EFR3B: variants seen among roughly 807,000 people sequenced by gnomAD.
EFR3B encodes the protein EFR3 homolog B.
In EFR3B, 64 loss-of-function variants were observed where a neutral mutation model predicts 104.7. That is an observed-to-expected ratio of 0.61 (90% CI 0.50 to 0.75). The LOEUF is 0.75. EFR3B is among the 30% of genes least tolerant of loss of function. The pLI, the probability that EFR3B is intolerant of heterozygous loss-of-function variation, is 0.00. For synonymous variants in EFR3B, 385 were observed against 417.9 expected (o/e 0.92, Z 0.96); for missense variants, 750 against 1,078.5 (o/e 0.70, Z 4.27).
chr2:25,053,232 C>T (rs1047810808), intron 1 of EFR3B, among the ~76,000 whole-genome samples: 1 of 152,254 alleles, frequency 6.6e-6, no homozygotes, highest in Non-Finnish European at 1.5e-5. Flanking sequence ...TCACTTCTCT[C>T]ACTTCTCACT....
intron 1 of EFR3B, among the ~76,000 whole-genome samples, chr2:25,065,346 A>ATTTTTTT (rs749717958): frequency 2.1e-5 from 2 of 93,360 alleles, no homozygotes; most frequent in Non-Finnish European, 4.1e-5. Flanking sequence ...ACACCCAGCT[A>ATTTTTTT]TTTTTTTTTT....
At chr2:25,100,824 T>C (rs1002695435) in intron 3 of EFR3B, among the ~76,000 whole-genome samples, 47 of 152,288 alleles carry the variant, frequency 3.1e-4, no homozygotes, top group African/African-American at 1.1e-3. Context: ...AGGAGGTACT[T>C]TTCTATTCCA....
At chr2:25,102,674 A>G (rs953251556) in intron 3 of EFR3B, among the ~76,000 whole-genome samples, 2 of 152,060 alleles carry the variant, frequency 1.3e-5, no homozygotes, top group South Asian at 4.2e-4. Flanking sequence ...TCGGGTGGGG[A>G]CGCGGAGCCA....
At position 25,061,817 on chromosome 2, in the gene EFR3B, A is replaced by C. The variant is rs555145601; in HGVS notation, c.7+19498A>C. Among the ~76,000 whole-genome samples, 3 of 151,572 alleles carry C rather than the reference A, an allele frequency of 2.0e-5. No individual in the cohort carries two copies. In the East Asian group the frequency reaches 5.8e-4, roughly 29 times the overall value. ...GGCCTACTTGTTAAAAAAAAAAAACAAAAAACTAATGCCACACCAGGGAGC... is the reference window on the plus strand; with the variant it reads ...GGCCTACTTGTTAAAAAAAAAAAACCAAAAACTAATGCCACACCAGGGAGC... On this transcript the variant is annotated intron_variant, in intron 1 of 22. Coordinates refer to ENST00000403714, the MANE Select transcript of EFR3B (RefSeq NM_014971.2).
At chr2:25,125,716 A>C (rs1670144859) in intron 5 of EFR3B, among the ~76,000 whole-genome samples, 1 of 152,184 alleles carries the variant, frequency 6.6e-6, no homozygotes, top group South Asian at 2.1e-4. Context: ...TGGGAGGCCA[A>C]GGCGGGAGGA....
intron 1 of EFR3B, among the ~76,000 whole-genome samples, chr2:25,074,303 C>T (rs376932315): frequency 2.2e-4 from 34 of 152,140 alleles, no homozygotes; most frequent in African/African-American, 6.5e-4. Context: ...CAGTGGCTCA[C>T]GCCTGTAATC....
At chr2:25,046,034 C>T (rs950155938) in intron 1 of EFR3B, among the ~76,000 whole-genome samples, 12 of 152,162 alleles carry the variant, frequency 7.9e-5, no homozygotes, top group Non-Finnish European at 1.3e-4. Context: ...AAATGCCTCT[C>T]GTCCCGCTTA....
intron 1 of EFR3B, among the ~76,000 whole-genome samples, chr2:25,044,289 G>T (rs932737676): frequency 6.6e-6 from 1 of 152,184 alleles, no homozygotes; most frequent in African/African-American, 2.4e-5. Flanking sequence ...ATCTTAGGAG[G>T]TGTGGGAGGG....
intron 4 of EFR3B, among the ~76,000 whole-genome samples, chr2:25,108,431 A>T (rs1669625939): frequency 6.6e-6 from 1 of 152,228 alleles, no homozygotes; most frequent in African/African-American, 2.4e-5. Flanking sequence ...CTACATAAAC[A>T]ATCTAATATA....
intron 4 of EFR3B, among the ~76,000 whole-genome samples, chr2:25,111,061 A>G (rs1669712480): frequency 6.6e-6 from 1 of 152,110 alleles, no homozygotes; most frequent in Non-Finnish European, 1.5e-5. Context: ...TTTCCTGCAA[A>G]CTGGAATTAG....
intron 4 of EFR3B, among the ~76,000 whole-genome samples, chr2:25,116,621 CA>C (rs891788252): frequency 1.4e-5 from 2 of 146,846 alleles, no homozygotes; most frequent in Admixed American, 6.8e-5. Context: ...GAGACTGTCT[CA>C]AAAAAAAAAT....
Position 25,135,608 on chromosome 2 carries a change from C to T in EFR3B, c.1453C>T (p.His485Tyr). Residue 485 changes from histidine to tyrosine, a missense_variant, in exon 13 of 23, where the codon CAT becomes TAT. Coordinates refer to ENST00000403714, the MANE Select transcript of EFR3B (RefSeq NM_014971.2). ...GATTCTCATCAGTTTCATTGATCGT[C>T]ATGGCAACCGCCACAAGTTCTCTAC... The part of the protein sequence containing the change: ...LEILISFIDR[H>Y]GNRHKFSTIS... 6.4e-7 allele frequency: 1 copy of T among 1,551,442 alleles called. No homozygotes were observed. The highest frequency in any genetic ancestry group is 8.7e-7 in the Non-Finnish European group (1 of 1,146,622).
chr2:25,059,978 C>G (rs1459886484), intron 1 of EFR3B, among the ~76,000 whole-genome samples: 1 of 150,110 alleles, frequency 6.7e-6, no homozygotes, highest in East Asian at 2.0e-4. Context: ...ATGGGCATAT[C>G]ACGAGGTCAG....
At chr2:25,152,097 C>G in intron 21 of EFR3B, 77 bp downstream of exon 21, 1 of 1,418,304 alleles carries the variant, frequency 7.1e-7, no homozygotes, top group Non-Finnish European at 9.7e-7. Flanking sequence ...GGATTAAGTT[C>G]CTAGGAGATC....
intron 4 of EFR3B, among the ~76,000 whole-genome samples, chr2:25,120,947 G>A (rs1278524485): frequency 1.3e-5 from 2 of 152,138 alleles, no homozygotes; most frequent in African/African-American, 4.8e-5. Context: ...TATCGCCCAG[G>A]CTGGAGCGCA....
At chr2:25,088,950 C>G (rs1333795553) in intron 1 of EFR3B, among the ~76,000 whole-genome samples, 1 of 152,166 alleles carries the variant, frequency 6.6e-6, no homozygotes, top group East Asian at 1.9e-4. Context: ...TGCAGAAAGG[C>G]CCTGGGGCCC....
chr2:25,074,587 G>T (rs1668585308), intron 1 of EFR3B, among the ~76,000 whole-genome samples: 1 of 150,790 alleles, frequency 6.6e-6, no homozygotes, highest in South Asian at 2.1e-4. Context: ...AAAAAGAAAA[G>T]AAAGAAGCAT....
chr2:25,114,106 G>T lies in EFR3B; in HGVS notation c.364-7567G>T, dbSNP rs1004093143. Among the ~76,000 whole-genome samples the T allele has an allele frequency of 1.3e-5, 2 of 152,182 alleles. No homozygotes were observed. Among genetic ancestry groups the T allele is most frequent in the African/African-American group, 2.4e-5 (1 of 41,440 alleles). ...CAGCCAGACATTGGCACATTTCAAGGTGGACTTCCGCAATAGGTGTGGTCC... is the reference window on the plus strand; with the variant it reads ...CAGCCAGACATTGGCACATTTCAAGTTGGACTTCCGCAATAGGTGTGGTCC... On this transcript the variant is annotated intron_variant, in intron 4 of 22. Transcript: ENST00000403714. This position sits in a 1 kb window ranked among gnomAD's most constrained non-coding sequence, Gnocchi z 4.0.
At chr2:25,077,003 C>T (rs554270687) in intron 1 of EFR3B, among the ~76,000 whole-genome samples, 39 of 152,216 alleles carry the variant, frequency 2.6e-4, no homozygotes, top group Non-Finnish European at 4.6e-4. Flanking sequence ...TCATTTTCAT[C>T]AGCATTTCCT....
Sources: gnomAD v4.1 joint callset for allele counts (sites outside exome capture counted in the v4.1 genomes callset) on GRCh38, gnomAD v4.1.1 for gene constraint, Gnocchi (gnomAD v3.1) non-coding constraint, MANE v1.5 for transcripts, NCBI Gene and HGNC (gene_info 2026-07-23, HGNC 2026-07-21) for gene names.